MGLL: variants seen among roughly 807,000 people sequenced by gnomAD.
The protein encoded by MGLL is monoglyceride lipase.
In MGLL, 7 loss-of-function variants were observed where a neutral mutation model predicts 29.1. The observed-to-expected ratio is 0.24, with a 90% CI of 0.14 to 0.45. MGLL has a LOEUF of 0.45. Ranked by LOEUF, MGLL falls within the 20% of genes least tolerant of loss-of-function variation. The probability of loss-of-function intolerance (pLI) is 0.99; values close to 1 mark genes in which losing one functional copy is unlikely to be tolerated. For missense variants in MGLL, 356 were observed against 413.6 expected, an observed-to-expected ratio of 0.86 and a Z score of 1.21; for synonymous variants, 148 against 168.3, an observed-to-expected ratio of 0.88 and a Z score of 0.93.
At chr3:127,710,008 G>A (rs954189695) in intron 6 of MGLL, among the ~76,000 whole-genome samples, 1 of 152,138 alleles carries the variant, frequency 6.6e-6, no homozygotes, top group African/African-American at 2.4e-5. Flanking sequence ...CCCCTTTCCT[G>A]GACAAATAAT....
chr3:127,807,399 A>C (rs2077584384), intron 2 of MGLL, among the ~76,000 whole-genome samples: 1 of 151,766 alleles, frequency 6.6e-6, no homozygotes, highest in East Asian at 1.9e-4. Context: ...TATCAATTTT[A>C]TTGGTATTTT....
chr3:127,700,073 C>A (rs2075449101), intron 6 of MGLL, among the ~76,000 whole-genome samples: 1 of 152,236 alleles, frequency 6.6e-6, no homozygotes, highest in African/African-American at 2.4e-5. Flanking sequence ...GAATTCCCAC[C>A]TTCTTCCTCC....
chr3:127,758,589 T>C (rs2076704586), intron 3 of MGLL, among the ~76,000 whole-genome samples: 1 of 152,212 alleles, frequency 6.6e-6, no homozygotes, highest in Non-Finnish European at 1.5e-5. Context: ...AATTAAATGG[T>C]GTGTTCCGTT....
intron 3 of MGLL, among the ~76,000 whole-genome samples, chr3:127,759,896 G>A (rs967242920): frequency 4.6e-5 from 7 of 152,222 alleles, no homozygotes; most frequent in South Asian, 2.1e-4. Flanking sequence ...CAATAACTGA[G>A]GAGAGAAATA....
intron 2 of MGLL, among the ~76,000 whole-genome samples, chr3:127,785,618 G>A (rs956338325): frequency 6.6e-6 from 1 of 152,252 alleles, no homozygotes; most frequent in African/African-American, 2.4e-5. Flanking sequence ...GACCACGCAG[G>A]ACCCTGCGCA....
intron 3 of MGLL, chr3:127,736,133 C>A: frequency 9.0e-7 from 1 of 1,117,236 alleles, no homozygotes; most frequent in Non-Finnish European, 1.1e-6. Flanking sequence ...GTCAGTCAAA[C>A]CTAATAAAAG....
intron 5 of MGLL, among the ~76,000 whole-genome samples, chr3:127,714,490 C>G (rs1576492177): frequency 1.3e-5 from 2 of 152,330 alleles, no homozygotes; most frequent in Middle Eastern, 6.8e-3. Context: ...AGTAAAACTC[C>G]CGTGGCTGAT....
At chr3:127,795,906 A>G (rs2077375238) in intron 2 of MGLL, among the ~76,000 whole-genome samples, 1 of 152,250 alleles carries the variant, frequency 6.6e-6, no homozygotes, top group African/African-American at 2.4e-5. Context: ...ACATTATGAT[A>G]TATTTCCTTC....
At chr3:127,760,918 C>A (rs1013271381) in intron 3 of MGLL, among the ~76,000 whole-genome samples, 1 of 152,178 alleles carries the variant, frequency 6.6e-6, no homozygotes, top group Non-Finnish European at 1.5e-5. Flanking sequence ...ATGGGGTGAT[C>A]CGTGGAAAAA....
At chr3:127,776,309 T>C (rs1230554441) in intron 3 of MGLL, among the ~76,000 whole-genome samples, 4 of 151,772 alleles carry the variant, frequency 2.6e-5, no homozygotes, top group Non-Finnish European at 4.4e-5. Context: ...AATCACCTCG[T>C]GTATCTTTTA....
intron 2 of MGLL, among the ~76,000 whole-genome samples, chr3:127,789,715 AGAAAGGAAAGAAAG>A (rs905064343): frequency 3.3e-5 from 5 of 152,188 alleles, no homozygotes; most frequent in Non-Finnish European, 5.9e-5. Flanking sequence ...AAAGAAAGAA[AGAAAGGAAAGAAAG>A]GAAAGGAAAG....
At position 127,701,215 on chromosome 3, in the gene MGLL, C is replaced by CAAAAAAAAAAAAAA. The variant is rs60128956; in HGVS notation, c.601-6039_601-6026dup. 5.7e-4 allele frequency among the ~76,000 whole-genome samples: 32 copies of CAAAAAAAAAAAAAA among 56,400 alleles called. 2 individuals are homozygous for CAAAAAAAAAAAAAA. Among genetic ancestry groups the CAAAAAAAAAAAAAA allele is most frequent in the Admixed American group, 1.0e-3 (5 of 4,824 alleles). The allele number at this position is 56,400 out of a possible 152,430, so 37.0% of individuals were successfully genotyped here. A position where few individuals can be genotyped will look rare whatever the true frequency, so the allele number is the denominator to read the frequency against. ...GGGCAAGAGAGCGAGACCCTGCCTC[C>CAAAAAAAAAAAAAA]AAAAAAAAAAAAAAAAAAGCCACCA... On this transcript the variant is annotated intron_variant, in intron 6 of 7. Coordinates refer to ENST00000265052, the MANE Select transcript of MGLL (RefSeq NM_007283.7).
At chr3:127,702,119 G>T (rs1028688465) in intron 6 of MGLL, among the ~76,000 whole-genome samples, 1 of 152,230 alleles carries the variant, frequency 6.6e-6, no homozygotes, top group African/African-American at 2.4e-5. Flanking sequence ...GAGATGGAGC[G>T]GGGTCCAGAC....
chr3:127,785,508 T>G (rs1350002912), intron 2 of MGLL, among the ~76,000 whole-genome samples: 1 of 152,252 alleles, frequency 6.6e-6, no homozygotes, highest in Non-Finnish European at 1.5e-5. Context: ...GACTGAGCAC[T>G]GAGAAACCCA....
intron 3 of MGLL, among the ~76,000 whole-genome samples, chr3:127,750,180 C>A (rs1047230235): frequency 6.6e-6 from 1 of 152,130 alleles, no homozygotes; most frequent in Non-Finnish European, 1.5e-5. Flanking sequence ...AGGCTCCCTG[C>A]TGAGAAAGCT....
intron 3 of MGLL, among the ~76,000 whole-genome samples, chr3:127,729,939 C>T (rs1483723676): frequency 6.6e-6 from 1 of 152,208 alleles, no homozygotes; most frequent in African/African-American, 2.4e-5. Flanking sequence ...TCCAGAGCTA[C>T]AGATCCATCC....
At chr3:127,732,451 A>C (rs2076168601) in intron 3 of MGLL, among the ~76,000 whole-genome samples, 1 of 152,228 alleles carries the variant, frequency 6.6e-6, no homozygotes, top group East Asian at 1.9e-4. Context: ...TCACTCTCAC[A>C]GCTCAGGGCA....
At chr3:127,722,913 C>T (rs771324312) in intron 3 of MGLL, among the ~76,000 whole-genome samples, 2 of 152,160 alleles carry the variant, frequency 1.3e-5, no homozygotes, top group African/African-American at 2.4e-5. Flanking sequence ...GCAAAGCAGC[C>T]GGGAGTAAGA....
intron 3 of MGLL, among the ~76,000 whole-genome samples, chr3:127,741,521 G>A (rs894576676): frequency 9.9e-5 from 15 of 152,242 alleles, no homozygotes; most frequent in East Asian, 7.7e-4. Context: ...AGGACACCAC[G>A]ATGCGTGTGT....
Sources: gnomAD v4.1 joint callset for allele counts (sites outside exome capture counted in the v4.1 genomes callset) on GRCh38, gnomAD v4.1.1 for gene constraint, MANE v1.5 for transcripts, NCBI Gene and HGNC (gene_info 2026-07-23, HGNC 2026-07-21) for gene names.